The following ADAMTS16 variants were observed in gnomAD, a reference collection of about 807,000 sequenced individuals.
The protein encoded by ADAMTS16 is ADAM metallopeptidase with thrombospondin type 1 motif 16, also known as A disintegrin and metalloproteinase with thrombospondin motifs 16.
In ADAMTS16, 94 loss-of-function variants were observed where a neutral mutation model predicts 145.8. The observed-to-expected ratio is 0.64, with a 90% confidence interval of 0.55 to 0.77. The LOEUF (loss-of-function observed/expected upper bound fraction) is 0.77, where lower values mean the gene tolerates loss of function less well. Among genes scored for constraint, ADAMTS16 ranks in the 30% least tolerant of loss-of-function variants. ADAMTS16 has a pLI of 0.00. For missense variants in ADAMTS16, 1,585 were observed against 1,591.5 expected (o/e 1.00, Z 0.07); for synonymous variants, 659 against 604.3 (o/e 1.09, Z -1.33).
At chr5:5,240,303 G>A (rs1737248754) in intron 16 of ADAMTS16, among the ~76,000 whole-genome samples, 1 of 152,162 alleles carries the variant, frequency 6.6e-6, no homozygotes, top group African/African-American at 2.4e-5. Context: ...CAATAGGAGA[G>A]GAGAGCCCAG....
chr5:5,289,912 T>C lies in ADAMTS16; in HGVS notation c.2790-13356T>C, dbSNP rs1335114721. Among the ~76,000 whole-genome samples the C allele has an allele frequency of 1.3e-5, 2 of 152,230 alleles. 1 individual carries two copies. The highest frequency in any genetic ancestry group is 2.9e-5 in the Non-Finnish European group (2 of 68,026). On this transcript the variant is annotated intron_variant, in intron 18 of 22. Transcript: ENST00000274181. The stretch of plus-strand genomic sequence containing the variant: ...AAATGAGTGTCTTAATCAAAAGTGC[T>C]GTCTCTACATCACCTTTCAATCAGG...
chr5:5,182,166 C>T lies in ADAMTS16; in HGVS notation c.624C>T (p.Ser208=), dbSNP rs761790579. 1 of 1,614,024 alleles carries T rather than the reference C, an allele frequency of 6.2e-7. No individual in the cohort carries two copies. Among genetic ancestry groups the T allele is most frequent in the Non-Finnish European group, 8.5e-7 (1 of 1,180,044 alleles). ...CATCCCACGTACTGTACAAGAGATC[C>T]ACAGAGCCCCATGCTCCTGGGGCCA... is the stretch of plus-strand genomic sequence containing the variant. The part of the protein sequence containing the change: ...SSPSHVLYKR[S]TEPHAPGASE... Residue 208 remains serine, a synonymous_variant, in exon 4 of 23, where the codon TCC becomes TCT. Transcript: ENST00000274181.
At position 5,187,796 on chromosome 5, in the gene ADAMTS16, A is replaced by G. The variant is rs374081297; in HGVS notation, c.1035A>G (p.Leu345=). 27 of 1,603,134 alleles carry G rather than the reference A, an allele frequency of 1.7e-5. No individual in the cohort carries two copies. In the African/African-American group the frequency reaches 3.5e-4, roughly 21 times the overall value. Residue 345 remains leucine (L), a synonymous_variant, in exon 6 of 23, where the codon CTA becomes CTG. Coordinates refer to ENST00000274181, the MANE Select transcript of ADAMTS16 (RefSeq NM_139056.4). ...INIAIVGLIL[L]EDEQPGLVIS... ...TTGCAATTGTAGGTCTGATTCTTCT[A>G]GAAGATGAACAGGTAGTTTATCTTT...
chr5:5,271,444 G>C (rs567268406), intron 18 of ADAMTS16, among the ~76,000 whole-genome samples: 1 of 152,256 alleles, frequency 6.6e-6, no homozygotes, highest in Non-Finnish European at 1.5e-5. Flanking sequence ...CTCCCTGCGC[G>C]GGCACTGCCC....
intron 9 of ADAMTS16, among the ~76,000 whole-genome samples, chr5:5,206,344 T>G (rs1736112260): frequency 1.7e-5 from 2 of 117,334 alleles, no homozygotes; most frequent in South Asian, 6.3e-4. Flanking sequence ...GAGAATGGCG[T>G]GAACCCGGGA....
intron 13 of ADAMTS16, among the ~76,000 whole-genome samples, chr5:5,235,702 GA>G (rs1737087375): frequency 6.6e-6 from 1 of 152,182 alleles, no homozygotes; most frequent in Admixed American, 6.5e-5. Flanking sequence ...TCCCCAGTGG[GA>G]AAGAAATAAG....
chr5:5,150,612 T>C (rs1471892112), intron 3 of ADAMTS16, among the ~76,000 whole-genome samples: 1 of 152,228 alleles, frequency 6.6e-6, no homozygotes, highest in East Asian at 1.9e-4. Context: ...CATCACGTCA[T>C]ACCACAAGGC....
rs772377209 is a variant in ADAMTS16, at chr5:5,262,715, C to T, written c.2721C>T (p.Ser907=). ...YRDLKFQVNM[S]FCNPKTRPVT... is the part of the protein sequence containing the mutation. Reference sequence around the variant, plus strand: ...ACCTGAAGTTTCAAGTAAATATGTCCTTCTGCAATCCCAAGACACGACCTG... The same window carrying T: ...ACCTGAAGTTTCAAGTAAATATGTCTTTCTGCAATCCCAAGACACGACCTG... The change falls in exon 18 of 23, where the codon TCC becomes TCT. Residue 907 remains serine (S), a synonymous_variant. Transcript: ENST00000274181. The T allele has an allele frequency of 6.2e-7, 1 of 1,614,214 alleles. No individual in the cohort carries two copies. The highest frequency in any genetic ancestry group is 2.2e-5 in the East Asian group (1 of 44,884).
At position 5,232,495 on chromosome 5, in the gene ADAMTS16, G is replaced by T. The variant is rs779937885; in HGVS notation, c.1829G>T (p.Ser610Ile). 12 of 1,613,608 alleles carry T rather than the reference G, an allele frequency of 7.4e-6. No individual in the cohort carries two copies. Among genetic ancestry groups the T allele is most frequent in the Admixed American group, 1.7e-5 (1 of 59,988 alleles). Residue 610 changes from serine (S) to isoleucine (I), a missense_variant, in exon 12 of 23, where the codon AGT becomes ATT. By Grantham distance (142) the Ser-to-Ile change is moderately radical (BLOSUM62 -2). Coordinates refer to ENST00000274181, the MANE Select transcript of ADAMTS16 (RefSeq NM_139056.4). Reference protein sequence around the residue: ...RTCGGGVSHRSRLCTNPKPSH... With the variant: ...RTCGGGVSHRIRLCTNPKPSH... The stretch of plus-strand genomic sequence containing the variant: ...TGCGGAGGGGGAGTATCTCATAGGA[G>T]TCGCCTCTGCACCAACCCCAAGTAA...
chr5:5,244,781 G>A (rs930517979), intron 17 of ADAMTS16, among the ~76,000 whole-genome samples: 5 of 152,188 alleles, frequency 3.3e-5, no homozygotes, highest in Non-Finnish European at 7.3e-5. Context: ...GGCAATGGGC[G>A]TTGCAGTCCA....
At chr5:5,207,894 A>C (rs1316456545) in intron 9 of ADAMTS16, among the ~76,000 whole-genome samples, 1 of 152,178 alleles carries the variant, frequency 6.6e-6, no homozygotes, top group Non-Finnish European at 1.5e-5. Flanking sequence ...CATAGTATAT[A>C]GTTCTTCTCA....
intron 18 of ADAMTS16, among the ~76,000 whole-genome samples, chr5:5,264,005 G>A (rs1468896438): frequency 6.6e-6 from 1 of 152,150 alleles, no homozygotes; most frequent in Non-Finnish European, 1.5e-5. Context: ...GAGAATGGCA[G>A]GTCATCTTCT....
chr5:5,320,099 G>T lies in ADAMTS16; in HGVS notation c.*961G>T, dbSNP rs114355583. 5,022 of 346,560 alleles carry T rather than the reference G, an allele frequency of 0.014. 241 individuals are homozygous for T. The highest frequency in any genetic ancestry group is 0.1 in the African/African-American group (4,566 of 43,606). 21.5% of individuals were successfully genotyped at this position (346,560 alleles called of 1,614,324 possible). ...TGAGATTTTAATCTTTTTTTTTTCGGTGAGTCTGGCCATTTCTATAATGCC... is the reference window on the plus strand; with the variant it reads ...TGAGATTTTAATCTTTTTTTTTTCGTTGAGTCTGGCCATTTCTATAATGCC... On this transcript the variant is annotated 3_prime_UTR_variant, in exon 23 of 23. Transcript: ENST00000274181. This position sits in a 1 kb window ranked among gnomAD's most constrained non-coding sequence, Gnocchi z 5.1.
At chr5:5,196,155 T>G (rs2126584709) in intron 8 of ADAMTS16, among the ~76,000 whole-genome samples, 1 of 146,852 alleles carries the variant, frequency 6.8e-6, no homozygotes, top group East Asian at 2.0e-4. Context: ...GAAGTAGAAC[T>G]TGAACTCAGG....
At chr5:5,249,202 A>T (rs905005168) in intron 17 of ADAMTS16, among the ~76,000 whole-genome samples, 1 of 152,192 alleles carries the variant, frequency 6.6e-6, no homozygotes, top group Non-Finnish European at 1.5e-5. Flanking sequence ...CAAGCAAATT[A>T]CATGTGTATT....
At chr5:5,201,893 A>G (rs985782264) in intron 9 of ADAMTS16, among the ~76,000 whole-genome samples, 11 of 152,002 alleles carry the variant, frequency 7.2e-5, no homozygotes, top group African/African-American at 2.7e-4. Context: ...CACTGACCTT[A>G]CTTCTTTGTG....
At chr5:5,243,791 T>C (rs1737363097) in intron 17 of ADAMTS16, among the ~76,000 whole-genome samples, 1 of 152,222 alleles carries the variant, frequency 6.6e-6, no homozygotes, top group Admixed American at 6.5e-5. Context: ...CCTTTGAGCA[T>C]CAAGCATTCA....
At chr5:5,241,366 G>A (rs1737286472) in intron 16 of ADAMTS16, among the ~76,000 whole-genome samples, 1 of 152,192 alleles carries the variant, frequency 6.6e-6, no homozygotes, top group Non-Finnish European at 1.5e-5. Context: ...CCCATTCCAT[G>A]CCCTAAACTA....
chr5:5,218,357 C>T (rs185529895), intron 10 of ADAMTS16, among the ~76,000 whole-genome samples: 152 of 152,232 alleles, frequency 1.0e-3, no homozygotes, highest in Admixed American at 2.1e-3. Context: ...GGGTGTGGCT[C>T]GCTCCTTCTG....
Sources: allele counts gnomAD v4.1 joint callset (sites outside exome capture counted in the v4.1 genomes callset), GRCh38; gene constraint gnomAD v4.1.1; non-coding constraint Gnocchi (gnomAD v3.1); transcripts MANE v1.5; gene names NCBI Gene and HGNC (gene_info 2026-07-23, HGNC 2026-07-21).